Variants in ZRANB3 observed in about 807,000 individuals in gnomAD.
ZRANB3 encodes the protein zinc finger RANBP2-type containing 3, also known as DNA annealing helicase and endonuclease ZRANB3.
Under a neutral mutation model 133.8 loss-of-function variants are expected in ZRANB3, and 125 were observed. That is an observed-to-expected ratio of 0.93 (90% CI 0.81 to 1.08). ZRANB3 has a LOEUF of 1.08. Ranked by LOEUF, ZRANB3 falls within the 50% of genes least tolerant of loss-of-function variation. The probability of loss-of-function intolerance (pLI) is 0.00; values close to 1 mark genes in which losing one functional copy is unlikely to be tolerated. For missense variants in ZRANB3, 1,229 were observed against 1,275.5 expected (o/e 0.96, Z 0.56); for synonymous variants, 387 against 432.7 (o/e 0.89, Z 1.31).
chr2:135,512,469 T>C lies in ZRANB3; in HGVS notation c.-7-7973A>G, dbSNP rs935302009. On this transcript the variant is annotated intron_variant, in intron 1 of 20. Coordinates refer to ENST00000264159, the MANE Select transcript of ZRANB3 (RefSeq NM_032143.4). ...TTAATTAAGAATGTATTGGATGAAA[T>C]TTACTGCAGAATAAAGAATTAGTAA... Among the ~76,000 whole-genome samples the C allele has an allele frequency of 3.8e-4, 58 of 151,532 alleles. 1 individual carries two copies. The highest frequency in any genetic ancestry group is 1.4e-3 in the African/African-American group (57 of 41,278).
intron 2 of ZRANB3, among the ~76,000 whole-genome samples, chr2:135,406,116 G>A (rs535532578): frequency 7.2e-5 from 11 of 151,944 alleles, no homozygotes; most frequent in African/African-American, 2.2e-4. Flanking sequence ...TCAAATAGAC[G>A]CAATAAAAAA....
chr2:135,482,813 G>A (rs545596259), intron 2 of ZRANB3, among the ~76,000 whole-genome samples: 1 of 152,306 alleles, frequency 6.6e-6, no homozygotes, highest in African/African-American at 2.4e-5. Context: ...TTTATTGAGA[G>A]TTTTCAGCAT....
At chr2:135,376,722 G>T (rs1468084894) in intron 3 of ZRANB3, among the ~76,000 whole-genome samples, 4 of 152,206 alleles carry the variant, frequency 2.6e-5, no homozygotes, top group African/African-American at 9.7e-5. Flanking sequence ...AAGGGATTGT[G>T]TAGGGTAGTG....
In ZRANB3 at chr2:135,207,716, A is replaced by G. The variant is rs750709147; in HGVS notation, c.2727T>C (p.Asn909=). The change falls in exon 19 of 21, where the codon AAT becomes AAC. Residue 909 remains asparagine, a synonymous_variant. Transcript: ENST00000264159. Reference sequence around the variant, plus strand: ...GTTGCTGACAGCGAAGGCAAAGTGGATTTCCTTCATTATCCACAGCTTGCA... The same window carrying G: ...GTTGCTGACAGCGAAGGCAAAGTGGGTTTCCTTCATTATCCACAGCTTGCA... ...GYLQAVDNEG[N]PLCLRCQQPT... 1 of 1,614,016 alleles carries G rather than the reference A, an allele frequency of 6.2e-7. No individual in the cohort carries two copies. The highest frequency in any genetic ancestry group is 1.7e-5 in the Admixed American group (1 of 60,018).
chr2:135,330,150 C>G (rs769370877), intron 6 of ZRANB3, among the ~76,000 whole-genome samples: 3 of 152,154 alleles, frequency 2.0e-5, no homozygotes, highest in Admixed American at 1.3e-4. Context: ...AGAGGTAATG[C>G]TTCCAGTTTT....
intron 2 of ZRANB3, among the ~76,000 whole-genome samples, chr2:135,436,389 C>T (rs1689533186): frequency 6.6e-6 from 1 of 152,114 alleles, no homozygotes; most frequent in African/African-American, 2.4e-5. Context: ...CCCAAAAGCT[C>T]CTCTATCTGA....
intron 2 of ZRANB3, among the ~76,000 whole-genome samples, chr2:135,468,792 C>G (rs1465485717): frequency 6.6e-6 from 1 of 152,184 alleles, no homozygotes; most frequent in East Asian, 1.9e-4. Context: ...GTAAAAAATT[C>G]TCACAGATCT....
At chr2:135,257,885 C>G (rs1176003514) in intron 12 of ZRANB3, among the ~76,000 whole-genome samples, 1 of 152,130 alleles carries the variant, frequency 6.6e-6, no homozygotes, top group Non-Finnish European at 1.5e-5. Context: ...ACTTTCTGCC[C>G]CAGCTGTGCC....
chr2:135,404,165 G>A (rs560780771), intron 2 of ZRANB3, among the ~76,000 whole-genome samples: 1 of 152,112 alleles, frequency 6.6e-6, no homozygotes, highest in Non-Finnish European at 1.5e-5. Flanking sequence ...AGGTAAAGGA[G>A]GAAGTTCAAA....
chr2:135,357,143 G>A (rs1685474146), intron 3 of ZRANB3, among the ~76,000 whole-genome samples: 2 of 151,950 alleles, frequency 1.3e-5, no homozygotes, highest in African/African-American at 4.8e-5. Flanking sequence ...GTCACCAAGG[G>A]TGAAATGTAG....
At chr2:135,500,867 G>A (rs1692909916) in intron 2 of ZRANB3, among the ~76,000 whole-genome samples, 1 of 151,410 alleles carries the variant, frequency 6.6e-6, no homozygotes, top group South Asian at 2.1e-4. Flanking sequence ...CAGTCATAAT[G>A]TAGCACAGAC....
intron 8 of ZRANB3, among the ~76,000 whole-genome samples, chr2:135,291,821 C>G (rs1392228478): frequency 2.0e-5 from 3 of 151,818 alleles, no homozygotes; most frequent in African/African-American, 7.3e-5. Context: ...CTTCAATTCC[C>G]ACCTATGAGT....
intron 3 of ZRANB3, among the ~76,000 whole-genome samples, chr2:135,368,630 C>A (rs146744691): frequency 1.3e-5 from 2 of 151,852 alleles, no homozygotes; most frequent in Non-Finnish European, 2.9e-5. Flanking sequence ...AAAATAACTA[C>A]GAGTATAATT....
In ZRANB3 at chr2:135,511,671, T is replaced by G. The variant is rs936358924; in HGVS notation, c.-7-7175A>C. The G allele has an allele frequency of 3.9e-6, 3 of 768,224 alleles. No homozygotes were observed. The African/African-American group carries it at 5.1e-5, about 13-fold the overall frequency. 47.6% of individuals were successfully genotyped at this position (768,224 alleles called of 1,614,324 possible). A position where few individuals can be genotyped will look rare whatever the true frequency, so the allele number is the denominator to read the frequency against. ...TAGACAGAAGCCCCAACACCTGGAC[T>G]ACCACACCATCATTTAGTGTGGCAT... is the stretch of plus-strand genomic sequence containing the variant. On this transcript the variant is annotated intron_variant, in intron 1 of 20. Coordinates refer to ENST00000264159, the MANE Select transcript of ZRANB3 (RefSeq NM_032143.4).
At chr2:135,316,710 G>A (rs112348227) in intron 6 of ZRANB3, among the ~76,000 whole-genome samples, 5,929 of 152,116 alleles carry the variant, frequency 0.039, 400 homozygotes, top group African/African-American at 0.14. Flanking sequence ...GCTCACGCCC[G>A]TAATCCCAGC....
At position 135,353,106 on chromosome 2, in the gene ZRANB3, C is replaced by T. The variant is rs563180294; in HGVS notation, c.359+344G>A. On this transcript the variant is annotated intron_variant, in intron 4 of 20. Transcript: ENST00000264159. ...TTGCTGATAATAAACGATCACAAAG[C>T]TTCAAGTCAATCAATGAAAAGTTGT... 2.6e-5 allele frequency among the ~76,000 whole-genome samples: 4 copies of T among 152,046 alleles called. No homozygotes were observed. In the South Asian group the frequency reaches 6.2e-4, roughly 24 times the overall value.
At chr2:135,450,350 T>A (rs1046580163) in intron 2 of ZRANB3, among the ~76,000 whole-genome samples, 1 of 151,706 alleles carries the variant, frequency 6.6e-6, no homozygotes, top group Non-Finnish European at 1.5e-5. Flanking sequence ...CAGGCAATAT[T>A]TGAAGCACTT....
chr2:135,296,247 TC>T (rs1271045064), intron 8 of ZRANB3, among the ~76,000 whole-genome samples: 1 of 152,214 alleles, frequency 6.6e-6, no homozygotes, highest in Non-Finnish European at 1.5e-5. Context: ...TTTCACATAG[TC>T]CCATATTTGT....
intron 12 of ZRANB3, among the ~76,000 whole-genome samples, chr2:135,242,055 T>C (rs1172354254): frequency 6.6e-6 from 1 of 152,032 alleles, no homozygotes. Flanking sequence ...TGCGCACGCC[T>C]GTAATTCCAG....
Sources: gnomAD v4.1 joint callset for allele counts (sites outside exome capture counted in the v4.1 genomes callset) on GRCh38, gnomAD v4.1.1 for gene constraint, MANE v1.5 for transcripts, NCBI Gene and HGNC (gene_info 2026-07-23, HGNC 2026-07-21) for gene names.